TNS1: variants seen among roughly 807,000 people sequenced by gnomAD.
TNS1 encodes the protein tensin 1, also known as tensin-1.
A neutral mutation model predicts 168.6 loss-of-function variants in TNS1; 62 were observed. The observed-to-expected ratio is 0.37, with a 90% confidence interval of 0.30 to 0.45. TNS1 has a LOEUF of 0.45. TNS1 is among the 20% of genes least tolerant of loss of function. The probability of loss-of-function intolerance (pLI) is 1.00; values close to 1 mark genes in which losing one functional copy is unlikely to be tolerated. For synonymous variants in TNS1, 934 were observed against 933.2 expected, an observed-to-expected ratio of 1.00 and a Z score of -0.02; for missense variants, 2,240 against 2,339.4, an observed-to-expected ratio of 0.96 and a Z score of 0.88.
chr2:217,881,064 G>A (rs1336814375), intron 17 of TNS1, 50 bp from the exon 18 acceptor site: 1 of 1,314,226 alleles, frequency 7.6e-7, no homozygotes, highest in South Asian at 1.2e-5. Flanking sequence ...GTGCAGAGAG[G>A]GAAAAGAGAT....
chr2:217,935,792 C>T (rs952165623), intron 3 of TNS1, among the ~76,000 whole-genome samples: 2 of 152,222 alleles, frequency 1.3e-5, no homozygotes. Flanking sequence ...GCATGCCAGA[C>T]CCGCTCTATT....
upstream of TNS1, among the ~76,000 whole-genome samples, chr2:218,013,623 C>T (rs533802757): frequency 6.6e-5 from 10 of 152,266 alleles, no homozygotes; most frequent in South Asian, 2.1e-3. Context: ...TGTCCCCCTG[C>T]TCATGTGACA....
intron 3 of TNS1, among the ~76,000 whole-genome samples, chr2:217,930,251 A>G (rs1412214493): frequency 6.6e-6 from 1 of 152,256 alleles, no homozygotes; most frequent in Non-Finnish European, 1.5e-5. Flanking sequence ...TCACACAACC[A>G]GTAAATAATG....
intron 3 of TNS1, among the ~76,000 whole-genome samples, chr2:217,921,190 T>G (rs562994868): frequency 5.9e-5 from 9 of 152,194 alleles, no homozygotes; most frequent in Non-Finnish European, 1.2e-4. Context: ...AGGACACGTT[T>G]TTCTTGGAGC....
Position 217,819,922 on chromosome 2 carries a change from G to T in TNS1, c.3573-1163C>A, listed in dbSNP as rs1942549338. ...TCTTGTTGTGGGCTGGCCCTCCCTG[G>T]GCCAGGCTGGATAAGCTCAGGTTCA... On this transcript the variant is annotated intron_variant, in intron 23 of 32. Coordinates refer to ENST00000682258, the MANE Select transcript of TNS1 (RefSeq NM_001387777.1). Among the ~76,000 whole-genome samples the T allele has an allele frequency of 2.0e-5, 3 of 152,158 alleles. No individual in the cohort carries two copies. In the South Asian group the frequency reaches 6.2e-4, roughly 32 times the overall value.
At position 217,836,222 on chromosome 2, in the gene TNS1, A is replaced by T; in HGVS notation, c.3008-11T>A. The T allele has an allele frequency of 6.2e-7, 1 of 1,604,820 alleles. No individual in the cohort carries two copies. Among genetic ancestry groups the T allele is most frequent in the East Asian group, 2.2e-5 (1 of 44,650 alleles). On this transcript the variant is annotated splice_polypyrimidine_tract_variant and intron_variant, in intron 19 of 32. Transcript: ENST00000682258. ...CCCGAGCCTGTACCCCTGGGAGGAAAGCAGGGTGTAGAGGACAATGAGCAT... is the reference window on the plus strand; with the variant it reads ...CCCGAGCCTGTACCCCTGGGAGGAATGCAGGGTGTAGAGGACAATGAGCAT...
chr2:217,940,165 T>C (rs2051417388), intron 3 of TNS1, among the ~76,000 whole-genome samples: 1 of 152,222 alleles, frequency 6.6e-6, no homozygotes, highest in Admixed American at 6.5e-5. Context: ...CAGGGAGCTA[T>C]TGAGCGAGGG....
intron 3 of TNS1, among the ~76,000 whole-genome samples, chr2:217,927,667 T>A (rs905654371): frequency 6.6e-6 from 1 of 152,086 alleles, no homozygotes; most frequent in Admixed American, 6.5e-5. Context: ...CTAGGGGCCC[T>A]CATCTCCACT....
In TNS1 at chr2:217,848,923, C is replaced by A. The variant is rs765253886; in HGVS notation, c.1594G>T (p.Gly532Cys). ...GTCTTGGTGGAGGCTGTGGAGTTGC[C>A]CGAGTCGCTGCTCACAGAAAGCGTG... ...EHTLSVSSDS[G>C]NSTASTKTDK... Residue 532 changes from glycine to cysteine, a missense_variant, in exon 19 of 33, where the codon GGC becomes TGC. Transcript: ENST00000682258. The A allele has an allele frequency of 6.2e-7, 1 of 1,614,020 alleles. No individual in the cohort carries two copies. Among genetic ancestry groups the A allele is most frequent in the Non-Finnish European group, 8.5e-7 (1 of 1,180,026 alleles).
chr2:217,858,992 A>G (rs1948522808), intron 18 of TNS1, among the ~76,000 whole-genome samples: 1 of 75,096 alleles, frequency 1.3e-5, no homozygotes, highest in African/African-American at 7.2e-5. Flanking sequence ...CCCCTGCTCA[A>G]CTCTCACCCA....
intron 3 of TNS1, among the ~76,000 whole-genome samples, chr2:217,946,969 T>TCACACACA (rs372012573): frequency 0.025 from 2,966 of 118,702 alleles, 227 homozygotes; most frequent in African/African-American, 0.11. Flanking sequence ...TCTCTCTCTC[T>TCACACACA]CACACACACA....
At chr2:217,980,807 C>T (rs1245058907) in intron 2 of TNS1, among the ~76,000 whole-genome samples, 1 of 152,122 alleles carries the variant, frequency 6.6e-6, no homozygotes, top group Non-Finnish European at 1.5e-5. Context: ...TGCCAGTTCC[C>T]AGAGTGCCTC....
intron 16 of TNS1, among the ~76,000 whole-genome samples, chr2:217,884,552 C>T (rs58971670): frequency 1.3e-5 from 2 of 152,334 alleles, no homozygotes; most frequent in Admixed American, 1.3e-4. Context: ...TACTGCTCTT[C>T]TGCCCTGCAG....
At chr2:217,924,146 T>C (rs895992305) in intron 3 of TNS1, among the ~76,000 whole-genome samples, 1 of 152,154 alleles carries the variant, frequency 6.6e-6, no homozygotes, top group Non-Finnish European at 1.5e-5. Flanking sequence ...CTCCAACACC[T>C]AGTTCTGTTC....
chr2:217,980,651 A>T (rs1360775662), intron 2 of TNS1, among the ~76,000 whole-genome samples: 1 of 151,400 alleles, frequency 6.6e-6, no homozygotes, highest in East Asian at 1.9e-4. Context: ...TGTCCCCCCG[A>T]CTCTCAGATC....
At chr2:217,836,758 T>C (rs764862965) in intron 19 of TNS1, among the ~76,000 whole-genome samples, 16 of 151,928 alleles carry the variant, frequency 1.1e-4, no homozygotes, top group Non-Finnish European at 1.8e-4. Context: ...TTCTCTGGGG[T>C]TCCCCAACTT....
At chr2:217,926,727 C>T (rs1014950311) in intron 3 of TNS1, among the ~76,000 whole-genome samples, 13 of 152,328 alleles carry the variant, frequency 8.5e-5, no homozygotes, top group Admixed American at 8.5e-4. Flanking sequence ...GTGTATACAT[C>T]GCTTCACTCC....
At position 217,900,449 on chromosome 2, in the gene TNS1, C is replaced by A; in HGVS notation, c.371+14G>T. The A allele has an allele frequency of 1.3e-6, 2 of 1,534,774 alleles. No homozygotes were observed. Among genetic ancestry groups the A allele is most frequent in the South Asian group, 1.2e-5 (1 of 83,974 alleles). The stretch of plus-strand genomic sequence containing the variant: ...CTTGCACTCCCGCCCCCTGCCCCCA[C>A]GGGCCAGGCATACCTGATGGGCTGG... On this transcript the variant is annotated intron_variant, in intron 7 of 32. Transcript: ENST00000682258.
At chr2:217,825,521 C>A (rs1310935121) in intron 22 of TNS1, among the ~76,000 whole-genome samples, 1 of 152,218 alleles carries the variant, frequency 6.6e-6, no homozygotes, top group Non-Finnish European at 1.5e-5. Context: ...TCCCACCAGG[C>A]CCCTGACCCA....
Sources: allele counts gnomAD v4.1 joint callset (sites outside exome capture counted in the v4.1 genomes callset), GRCh38; gene constraint gnomAD v4.1.1; transcripts MANE v1.5; gene names NCBI Gene and HGNC (gene_info 2026-07-23, HGNC 2026-07-21).